The following DRD4 variants were observed in gnomAD, a reference collection of about 807,000 sequenced individuals.
DRD4 encodes dopamine receptor D4, also known as D(4) dopamine receptor.
DRD4 carries 26 observed loss-of-function variants against 22.1 expected under a neutral mutation model. The ratio of observed to expected loss-of-function variants is 1.17; its 90% confidence interval spans 0.86 to 1.63. DRD4 has a LOEUF of 1.63. DRD4 is among the 40% of genes most tolerant of loss of function. The pLI is 0.00. For missense variants in DRD4, 913 were observed against 632.4 expected (o/e 1.44, Z -4.76); for synonymous variants, 455 against 306.7 (o/e 1.48, Z -5.05).
rs907892786 is a variant in DRD4 at position 637,563 on chromosome 11, G to A, written c.259G>A (p.Val87Met). 7.1e-6 allele frequency: 11 copies of A among 1,557,798 alleles called. No individual in the cohort carries two copies. Among genetic ancestry groups the A allele is most frequent in the Non-Finnish European group, 8.7e-6 (10 of 1,155,954 alleles). ...AAADLLLALL[V>M]LPLFVYSEVQ... Reference sequence around the variant, plus strand: ...CGCCGACCTCCTCCTCGCTCTCCTGGTGCTGCCGCTCTTCGTCTACTCCGA... The same window carrying A: ...CGCCGACCTCCTCCTCGCTCTCCTGATGCTGCCGCTCTTCGTCTACTCCGA... The change falls in exon 1 of 4, where the codon GTG (valine) becomes ATG (methionine). Residue 87 changes from valine (V) to methionine (M), a missense_variant. Transcript: ENST00000176183.
rs1472913466 is a variant in DRD4, at chr11:640,595, T to C, written c.1252T>C (p.Cys418Arg). 2 of 1,599,202 alleles carry C rather than the reference T, an allele frequency of 1.3e-6. No homozygotes were observed. The highest frequency in any genetic ancestry group is 1.1e-5 in the South Asian group (1 of 91,060). The change falls in exon 4 of 4, where the codon TGC becomes CGC. Residue 418 changes from cysteine (C) to arginine (R), a missense_variant. Physicochemically the swap from Cys to Arg is radical, Grantham distance 180. Coordinates refer to ENST00000176183, the MANE Select transcript of DRD4 (RefSeq NM_000797.4). ...CGTCTTCCGCAAGGCCCTGCGTGCC[T>C]GCTGCTGAGCCGGGCACCCCCGGAC... ...RNVFRKALRA[C>R]C
In DRD4 at chr11:640,326, G is replaced by A. The variant is rs755079455; in HGVS notation, c.1057+20G>A. The A allele has an allele frequency of 1.2e-5, 19 of 1,541,946 alleles. No homozygotes were observed. Among genetic ancestry groups the A allele is most frequent in the East Asian group, 2.4e-5 (1 of 41,928 alleles). On this transcript the variant is annotated intron_variant, in intron 3 of 3. Transcript: ENST00000176183. ...TGGTCGGTGGGTTCCTGTCCTGAGG[G>A]GCGGGGAGGAGAGGAGGGGGGGGGT...
intron 1 of DRD4, 81 bp downstream of exon 1, chr11:637,670 C>G: frequency 2.0e-6 from 3 of 1,531,750 alleles, no homozygotes; most frequent in Non-Finnish European, 2.6e-6. Flanking sequence ...CCCGGCGCGA[C>G]CCGGCCCCTT....
chr11:637,720 C>T, intron 1 of DRD4, 131 bp downstream of exon 1: 1 of 1,487,202 alleles, frequency 6.7e-7, no homozygotes, highest in Non-Finnish European at 9.0e-7. Context: ...GGCAGGGGCG[C>T]TGCGCCTTGT....
chr11:639,705 G>A lies in DRD4; in HGVS notation c.456G>A (p.Gln152=), dbSNP rs1380909300. 1 of 1,488,978 alleles carries A rather than the reference G, an allele frequency of 6.7e-7. No individual in the cohort carries two copies. The highest frequency in any genetic ancestry group is 2.2e-5 in the Admixed American group (1 of 45,412). 92.2% of individuals were successfully genotyped at this position (1,488,978 alleles called of 1,614,324 possible). A position where few individuals can be genotyped will look rare whatever the true frequency, so the allele number is the denominator to read the frequency against. The change falls in exon 3 of 4, where the codon CAG becomes CAA. Residue 152 remains glutamine, a synonymous_variant. Transcript: ENST00000176183. ...RYNRQGGSRR[Q]LLLIGATWLL... ...ACCGGCAGGGTGGGAGCCGCCGGCAGCTGCTGCTCATCGGCGCCACGTGGC... is the reference window on the plus strand; with the variant it reads ...ACCGGCAGGGTGGGAGCCGCCGGCAACTGCTGCTCATCGGCGCCACGTGGC...
rs762276792 is a variant in DRD4, at chr11:639,413, C to T, written c.286-20C>T. On this transcript the variant is annotated intron_variant, in intron 1 of 3. Transcript: ENST00000176183. Reference sequence around the variant, plus strand: ...CCGCGGTGGCTGGGAAACCTCAGGGCCTGTGGTGTCGCCGCGCAGGTCCAG... The same window carrying T: ...CCGCGGTGGCTGGGAAACCTCAGGGTCTGTGGTGTCGCCGCGCAGGTCCAG... 5.6e-5 allele frequency: 88 copies of T among 1,573,272 alleles called. No homozygotes were observed. The highest frequency in any genetic ancestry group is 3.3e-4 in the Middle Eastern group (2 of 6,026).
intron 1 of DRD4, among the ~76,000 whole-genome samples, chr11:638,653 A>G (rs763938055): frequency 2.1e-4 from 32 of 152,194 alleles, no homozygotes; most frequent in Non-Finnish European, 3.1e-4. Context: ...AGTCTCCCAC[A>G]GAGAACTTAG....
At chr11:639,391 C>T (rs867448200) in intron 1 of DRD4, 42 bp from the exon 2 acceptor site, 8 of 1,536,486 alleles carry the variant, frequency 5.2e-6, no homozygotes, top group Middle Eastern at 3.4e-4. Context: ...CAAGGGCCCG[C>T]GGTGGCTGGG....
rs748448341 is a variant in DRD4 at position 637,440 on chromosome 11, G to A, written c.136G>A (p.Gly46Ser). 35 of 1,532,388 alleles carry A rather than the reference G, an allele frequency of 2.3e-5. No homozygotes were observed. The highest frequency in any genetic ancestry group is 2.8e-5 in the Non-Finnish European group (32 of 1,145,324). 94.9% of individuals were successfully genotyped at this position (1,532,388 alleles called of 1,614,324 possible). A position where few individuals can be genotyped will look rare whatever the true frequency, so the allele number is the denominator to read the frequency against. The change falls in exon 1 of 4, where the codon GGC becomes AGC. Residue 46 changes from glycine to serine, a missense_variant. Gly to Ser is a moderately conservative substitution (Grantham distance 56, BLOSUM62 0). Transcript: ENST00000176183. ...AALVGGVLLI[G>S]AVLAGNSLVC... ...GCTGGTGGGGGGCGTGCTGCTCATC[G>A]GCGCGGTGCTCGCGGGGAACTCGCT...
At chr11:638,203 G>A (rs978550465) in intron 1 of DRD4, among the ~76,000 whole-genome samples, 1 of 152,224 alleles carries the variant, frequency 6.6e-6, no homozygotes, top group African/African-American at 2.4e-5. Context: ...TCCACACCAG[G>A]TCTGGCCCTC....
Position 639,851 on chromosome 11 carries a change from TC to T in DRD4, c.603del (p.Phe202SerfsTer144). The T allele has an allele frequency of 1.3e-6, 2 of 1,586,544 alleles. No individual in the cohort carries two copies. The highest frequency in any genetic ancestry group is 1.4e-5 in the African/African-American group (1 of 73,696). ...DYVVYSSVCS[F>X]FLPCPLMLLL... ...GTGGTCTACTCGTCCGTGTGCTCCT[TC>T]TTCCTACCCTGCCCGCTCATGCTGC... On this transcript the variant is annotated frameshift_variant, in exon 3 of 4. Transcript: ENST00000176183. LOFTEE classifies it high-confidence loss of function.
Position 640,565 on chromosome 11 carries a change from C to A in DRD4, c.1222C>A (p.Arg408Ser). ...CTACACTGTCTTCAACGCCGAGTTC[C>A]GCAACGTCTTCCGCAAGGCCCTGCG... ...VIYTVFNAEFRNVFRKALRAC... is the reference protein window; with the variant it reads ...VIYTVFNAEFSNVFRKALRAC... The change falls in exon 4 of 4, where the codon CGC becomes AGC. Residue 408 changes from arginine (R) to serine (S), a missense_variant. By Grantham distance (110) the Arg-to-Ser change is moderately radical. Coordinates refer to ENST00000176183, the MANE Select transcript of DRD4 (RefSeq NM_000797.4). 6.3e-7 allele frequency: 1 copy of A among 1,599,980 alleles called. No homozygotes were observed. The highest frequency in any genetic ancestry group is 8.5e-7 in the Non-Finnish European group (1 of 1,179,782).
rs761199673 is a variant in DRD4, at chr11:640,550, T to G, written c.1207T>G (p.Phe403Val). 7.2e-5 allele frequency: 116 copies of G among 1,600,184 alleles called. No individual in the cohort carries two copies. Among genetic ancestry groups the G allele is most frequent in the Non-Finnish European group, 9.2e-5 (108 of 1,179,766 alleles). ...CCTCAACCCCGTCATCTACACTGTC[T>G]TCAACGCCGAGTTCCGCAACGTCTT... ...SALNPVIYTV[F>V]NAEFRNVFRK... Residue 403 changes from phenylalanine to valine, a missense_variant, in exon 4 of 4, where the codon TTC becomes GTC. Physicochemically the swap from Phe to Val is conservative, Grantham distance 50. Transcript: ENST00000176183.
chr11:639,942 C>G lies in DRD4; in HGVS notation c.693C>G (p.His231Gln), dbSNP rs758672529. Residue 231 changes from histidine (H) to glutamine (Q), a missense_variant, in exon 3 of 4, where the codon CAC (histidine) becomes CAG (glutamine). Coordinates refer to ENST00000176183, the MANE Select transcript of DRD4 (RefSeq NM_000797.4). ...AGGTGGCACGTCGCGCCAAGCTGCA[C>G]GGCCGCGCGCCCCGCCGACCCAGCG... ...RWEVARRAKLHGRAPRRPSGP... is the reference protein window; with the variant it reads ...RWEVARRAKLQGRAPRRPSGP... 6 of 1,446,930 alleles carry G rather than the reference C, an allele frequency of 4.1e-6. No individual in the cohort carries two copies. Among genetic ancestry groups the G allele is most frequent in the Admixed American group, 4.7e-5 (2 of 42,790 alleles). The allele number at this position is 1,446,930 out of a possible 1,614,324, so 89.6% of individuals were successfully genotyped here.
In DRD4 at chr11:640,240, AG is replaced by A; in HGVS notation, c.993del (p.Arg332GlyfsTer14). ...ACCCCAGACTCCACCGCAGACCCGC[AG>A]GAGGCGGCGTGCCAAGATCACCGGC... Reference protein sequence around the residue: ...LPPQTPPQTRRRRRAKITGRE... With the variant: ...LPPQTPPQTRXRRRAKITGRE... On this transcript the variant is annotated frameshift_variant, in exon 3 of 4. Coordinates refer to ENST00000176183, the MANE Select transcript of DRD4 (RefSeq NM_000797.4). LOFTEE classifies it high-confidence loss of function. 1 of 1,532,680 alleles carries A rather than the reference AG, an allele frequency of 6.5e-7. No homozygotes were observed. Among genetic ancestry groups the A allele is most frequent in the South Asian group, 1.2e-5 (1 of 83,940 alleles). The allele number at this position is 1,532,680 out of a possible 1,614,324, so 94.9% of individuals were successfully genotyped here.
chr11:638,786 C>G (rs1277079193), intron 1 of DRD4, among the ~76,000 whole-genome samples: 1 of 152,166 alleles, frequency 6.6e-6, no homozygotes, highest in Non-Finnish European at 1.5e-5. Context: ...CCAGGCCGTT[C>G]TCATGTTTGT....
chr11:640,343 G>GT (rs989509727), intron 3 of DRD4, 37 bp downstream of exon 3: 19 of 1,551,114 alleles, frequency 1.2e-5, no homozygotes, highest in South Asian at 3.5e-5. Context: ...AGGAGAGGAG[G>GT]GGGGGGGTAC....
Position 640,047 on chromosome 11 carries a change from G to A in DRD4, c.798G>A (p.Ala266=), listed in dbSNP as rs1405995971. The A allele has an allele frequency of 3.6e-6, 4 of 1,123,546 alleles. No individual in the cohort carries two copies. Among genetic ancestry groups the A allele is most frequent in the Non-Finnish European group, 4.4e-6 (4 of 917,428 alleles). The allele number at this position is 1,123,546 out of a possible 1,614,324, so 69.6% of individuals were successfully genotyped here. ...GCGGCCCCGACTGTGCGCCCCCCGC[G>A]CCCGGCCTTCCCCGGGGTCCCTGCG... The part of the protein sequence containing the change: ...DPCGPDCAPP[A]PGLPRGPCGP... The change falls in exon 3 of 4, where the codon GCG becomes GCA. Residue 266 remains alanine (A), a synonymous_variant. Coordinates refer to ENST00000176183, the MANE Select transcript of DRD4 (RefSeq NM_000797.4).
chr11:640,110 G>A lies in DRD4; in HGVS notation c.861G>A (p.Gln287=). The part of the protein sequence containing the change: ...DCAPAAPSLP[Q]DPCGPDCAPP... ...CGCCCGCCGCGCCCAGCCTCCCCCA[G>A]GACCCCTGCGGCCCCGACTGTGCGC... The change falls in exon 3 of 4, where the codon CAG becomes CAA. Residue 287 remains glutamine, a synonymous_variant. Coordinates refer to ENST00000176183, the MANE Select transcript of DRD4 (RefSeq NM_000797.4). 3.0e-6 allele frequency: 4 copies of A among 1,337,898 alleles called. No homozygotes were observed. Among genetic ancestry groups the A allele is most frequent in the Non-Finnish European group, 3.9e-6 (4 of 1,038,578 alleles). 82.9% of individuals were successfully genotyped at this position (1,337,898 alleles called of 1,614,324 possible). A position where few individuals can be genotyped will look rare whatever the true frequency, so the allele number is the denominator to read the frequency against.
Sources: gnomAD v4.1 joint callset for allele counts (sites outside exome capture counted in the v4.1 genomes callset) on GRCh38, gnomAD v4.1.1 for gene constraint, MANE v1.5 for transcripts, NCBI Gene and HGNC (gene_info 2026-07-23, HGNC 2026-07-21) for gene names.